STK10: variants seen among roughly 807,000 people sequenced by gnomAD.
STK10 encodes the protein serine/threonine-protein kinase 10.
Under a neutral mutation model 113.8 loss-of-function variants are expected in STK10, and 78 were observed. That is an observed-to-expected ratio of 0.69 (90% CI 0.57 to 0.83). STK10 has a LOEUF of 0.83. STK10 is among the 40% of genes least tolerant of loss of function. The probability of loss-of-function intolerance (pLI) is 0.00; values close to 1 mark genes in which losing one functional copy is unlikely to be tolerated. For missense variants in STK10, 1,109 were observed against 1,280.1 expected, an observed-to-expected ratio of 0.87 and a Z score of 2.04; for synonymous variants, 465 against 494.7, an observed-to-expected ratio of 0.94 and a Z score of 0.80.
At chr5:172,069,563 G>A (rs961346866) in intron 12 of STK10, among the ~76,000 whole-genome samples, 1 of 152,020 alleles carries the variant, frequency 6.6e-6, no homozygotes, top group African/African-American at 2.4e-5. Flanking sequence ...AGGGCACTCT[G>A]GGCAACATAG....
Position 172,044,956 on chromosome 5 carries a change from C to T in STK10, c.2833G>A (p.Ala945Thr), listed in dbSNP as rs1724125057. 1.2e-6 allele frequency: 2 copies of T among 1,614,050 alleles called. No homozygotes were observed. Among genetic ancestry groups the T allele is most frequent in the African/African-American group, 1.3e-5 (1 of 74,914 alleles). Residue 945 changes from alanine to threonine, a missense_variant, in exon 19 of 19, where the codon GCG (alanine) becomes ACG (threonine). Coordinates refer to ENST00000176763, the MANE Select transcript of STK10 (RefSeq NM_005990.4). The surrounding 1 kb of genome is among the most constrained non-coding windows in gnomAD (Gnocchi z 4.5). ...QEMFFKLSEE[A>T]ECPNPSTPSK... ...GGGGTGGAGGGGTTTGGGCACTCCG[C>T]CTCCTCGCTCAGCTTGAAGAACATC...
At chr5:172,055,399 A>G (rs1767725317) in intron 16 of STK10, among the ~76,000 whole-genome samples, 189 bp downstream of exon 16, 1 of 152,104 alleles carries the variant, frequency 6.6e-6, no homozygotes, top group African/African-American at 2.4e-5. Flanking sequence ...TGTGTTGCCC[A>G]GGCTGGTCTC....
At chr5:172,103,330 C>T (rs1165722508) in intron 7 of STK10, among the ~76,000 whole-genome samples, 1 of 152,262 alleles carries the variant, frequency 6.6e-6, no homozygotes, top group Non-Finnish European at 1.5e-5. Flanking sequence ...CTTTATTCAT[C>T]TCCAGAGATC....
At chr5:172,153,142 CA>C (rs1770272666) in intron 2 of STK10, among the ~76,000 whole-genome samples, 1 of 151,922 alleles carries the variant, frequency 6.6e-6, no homozygotes. Context: ...CAAAATTAGC[CA>C]GGGGTAGTGG....
intron 6 of STK10, among the ~76,000 whole-genome samples, chr5:172,106,416 A>AAAAAAAAAAAAAAAAAAAAAAC (rs1769110009): frequency 6.9e-6 from 1 of 144,848 alleles, no homozygotes; most frequent in African/African-American, 2.6e-5. Flanking sequence ...AAAAAAAAAA[A>AAAAAAAAAAAAAAAAAAAAAAC]AAGGAACACA....
intron 1 of STK10, among the ~76,000 whole-genome samples, chr5:172,184,680 C>T (rs1480834178): frequency 6.6e-6 from 1 of 152,116 alleles, no homozygotes; most frequent in Non-Finnish European, 1.5e-5. Context: ...GAGACAGAGT[C>T]TCCCTCTGTC....
intron 10 of STK10, among the ~76,000 whole-genome samples, chr5:172,083,766 G>C (rs1214283537): frequency 6.6e-6 from 1 of 151,858 alleles, no homozygotes; most frequent in African/African-American, 2.4e-5. Context: ...AAATTAGCTG[G>C]ACATGGTGGC....
chr5:172,057,810 G>A (rs1581133983), intron 14 of STK10, among the ~76,000 whole-genome samples: 2 of 152,300 alleles, frequency 1.3e-5, no homozygotes, highest in African/African-American at 4.8e-5. Flanking sequence ...CAGCTGCCAT[G>A]TCTGCCAGAT....
chr5:172,182,293 ACT>A (rs1299011363), intron 1 of STK10, among the ~76,000 whole-genome samples: 2 of 137,310 alleles, frequency 1.5e-5, no homozygotes, highest in Non-Finnish European at 3.1e-5. Flanking sequence ...ACAGAGCTAG[ACT>A]CTGTCTCAGA....
intron 4 of STK10, among the ~76,000 whole-genome samples, chr5:172,111,429 G>A (rs1324911520): frequency 6.6e-6 from 1 of 152,192 alleles, no homozygotes; most frequent in Admixed American, 6.5e-5. Context: ...CCTCCCTCAG[G>A]CACGCACCAG....
Position 172,096,415 on chromosome 5 carries a change from C to T in STK10, c.1005+11G>A. 6.2e-7 allele frequency: 1 copy of T among 1,610,948 alleles called. No individual in the cohort carries two copies. Among genetic ancestry groups the T allele is most frequent in the African/African-American group, 1.3e-5 (1 of 75,080 alleles). On this transcript the variant is annotated intron_variant, in intron 8 of 18. Transcript: ENST00000176763. ...CCAGCCCCCGCTAAGCCCCACTCTC[C>T]CTGGCCTTACGGAGGCGGCATCCAC... is the stretch of plus-strand genomic sequence containing the variant.
intron 2 of STK10, among the ~76,000 whole-genome samples, chr5:172,148,208 G>T (rs1770125341): frequency 6.6e-6 from 1 of 152,178 alleles, no homozygotes; most frequent in African/African-American, 2.4e-5. Flanking sequence ...GGCACGAAGA[G>T]GCGTGTCTGG....
chr5:172,057,555 C>A, intron 14 of STK10, 82 bp from the exon 15 acceptor site: 1 of 1,501,032 alleles, frequency 6.7e-7, no homozygotes, highest in South Asian at 1.3e-5. Flanking sequence ...CTCTGCCTGG[C>A]CTCCTCATGC....
chr5:172,106,420 G>T, intron 6 of STK10, among the ~76,000 whole-genome samples, 200 bp downstream of exon 6: 1 of 45,454 alleles, frequency 2.2e-5, no homozygotes, highest in South Asian at 9.9e-4. Context: ...AAAAAAAAAG[G>T]AACACAAAGG....
At chr5:172,117,431 C>A in intron 4 of STK10, 50 bp downstream of exon 4, 3 of 1,601,122 alleles carry the variant, frequency 1.9e-6, no homozygotes, top group South Asian at 2.2e-5. Context: ...AGGCCAACAC[C>A]CCCAGGCAGA....
intron 12 of STK10, among the ~76,000 whole-genome samples, chr5:172,079,079 T>A (rs956815704): frequency 1.3e-5 from 2 of 152,190 alleles, no homozygotes; most frequent in Admixed American, 1.3e-4. Flanking sequence ...AATGTACTTC[T>A]CATTTAATGC....
At position 172,055,648 on chromosome 5, in the gene STK10, C is replaced by T; in HGVS notation, c.2466G>A (p.Lys822=). The change falls in exon 16 of 19, where the codon AAG becomes AAA. Residue 822 remains lysine, a synonymous_variant. Transcript: ENST00000176763. ...CCCCGCCGTTGATGTGGAGGCTCTT[C>T]TTGTACATGGCCATGCGCGTCTTGC... ...SEGKTRMAMY[K]KSLHINGGGS... is the part of the protein sequence containing the mutation. 1 of 1,576,406 alleles carries T rather than the reference C, an allele frequency of 6.3e-7. No individual in the cohort carries two copies. Among genetic ancestry groups the T allele is most frequent in the South Asian group, 1.2e-5 (1 of 86,260 alleles).
At chr5:172,149,012 C>T (rs1770149468) in intron 2 of STK10, among the ~76,000 whole-genome samples, 1 of 152,156 alleles carries the variant, frequency 6.6e-6, no homozygotes, top group Admixed American at 6.5e-5. Context: ...ACAAAAAATA[C>T]AAAAATTGTC....
rs1263912839 is a variant in STK10 at position 172,042,389 on chromosome 5, G to C, written c.*2493C>G. On this transcript the variant is annotated 3_prime_UTR_variant, in exon 19 of 19. Transcript: ENST00000176763. Reference sequence around the variant, plus strand: ...ACCCCGCCAGTCCCCATCCAGAAAAGCACAGGGGAGCTCTGAGGGCTCAGG... The same window carrying C: ...ACCCCGCCAGTCCCCATCCAGAAAACCACAGGGGAGCTCTGAGGGCTCAGG... The C allele has an allele frequency of 6.5e-6, 1 of 152,672 alleles. No individual in the cohort carries two copies. The highest frequency in any genetic ancestry group is 2.4e-5 in the African/African-American group (1 of 41,454). 9.5% of individuals were successfully genotyped at this position (152,672 alleles called of 1,614,324 possible). A position where few individuals can be genotyped will look rare whatever the true frequency, so the allele number is the denominator to read the frequency against.
Sources: gnomAD v4.1 joint callset for allele counts (sites outside exome capture counted in the v4.1 genomes callset) on GRCh38, gnomAD v4.1.1 for gene constraint, Gnocchi (gnomAD v3.1) non-coding constraint, MANE v1.5 for transcripts, NCBI Gene and HGNC (gene_info 2026-07-23, HGNC 2026-07-21) for gene names.